ACSS3: variants seen among roughly 807,000 people sequenced by gnomAD.
The protein encoded by ACSS3 is acyl-CoA synthetase short chain family member 3.
In ACSS3, 64 loss-of-function variants were observed where a neutral mutation model predicts 84.2. The observed-to-expected ratio is 0.76, with a 90% CI of 0.62 to 0.94. The LOEUF (loss-of-function observed/expected upper bound fraction) is 0.94, where lower values mean the gene tolerates loss of function less well. Ranked by LOEUF, ACSS3 falls within the 40% of genes least tolerant of loss-of-function variation. The pLI is 0.00. For missense variants in ACSS3, 815 were observed against 867.6 expected, an observed-to-expected ratio of 0.94 and a Z score of 0.76; for synonymous variants, 317 against 310.1, an observed-to-expected ratio of 1.02 and a Z score of -0.23.
intron 5 of ACSS3, among the ~76,000 whole-genome samples, chr12:81,149,053 T>G (rs1159671034): frequency 6.6e-6 from 1 of 151,896 alleles, no homozygotes; most frequent in African/African-American, 2.4e-5. Context: ...CACTCCAGCC[T>G]GGGTGACAGA....
At chr12:81,211,228 C>A (rs2135927003) in intron 9 of ACSS3, among the ~76,000 whole-genome samples, 1 of 152,228 alleles carries the variant, frequency 6.6e-6, no homozygotes, top group South Asian at 2.1e-4. Flanking sequence ...AGTGCACCTG[C>A]CTTGGCCTCC....
At chr12:81,193,738 G>A (rs1233760891) in intron 8 of ACSS3, among the ~76,000 whole-genome samples, 3 of 151,758 alleles carry the variant, frequency 2.0e-5, no homozygotes, top group Non-Finnish European at 4.4e-5. Context: ...AGGCACATGT[G>A]ATTATTAAAC....
intron 7 of ACSS3, among the ~76,000 whole-genome samples, chr12:81,172,777 T>A (rs531008728): frequency 9.8e-5 from 15 of 152,358 alleles, no homozygotes; most frequent in African/African-American, 3.6e-4. Context: ...TAAAATACTG[T>A]GTCCTCCTTG....
At chr12:81,177,876 C>G (rs912645745) in intron 8 of ACSS3, among the ~76,000 whole-genome samples, 3 of 152,196 alleles carry the variant, frequency 2.0e-5, no homozygotes, top group Non-Finnish European at 4.4e-5. Context: ...GGACTGTAAA[C>G]TAGTTCAACC....
At chr12:81,201,890 G>T (rs2032127500) in intron 9 of ACSS3, among the ~76,000 whole-genome samples, 1 of 152,082 alleles carries the variant, frequency 6.6e-6, no homozygotes, top group Non-Finnish European at 1.5e-5. Context: ...TGCAGAGGTT[G>T]GCTAACAGGA....
intron 2 of ACSS3, among the ~76,000 whole-genome samples, chr12:81,110,086 G>C (rs2121512825): frequency 6.6e-6 from 1 of 152,130 alleles, no homozygotes; most frequent in East Asian, 1.9e-4. Context: ...CATATTAGAT[G>C]ATCACCAGGG....
intron 5 of ACSS3, among the ~76,000 whole-genome samples, chr12:81,149,412 A>G (rs534101943): frequency 1.3e-5 from 2 of 152,308 alleles, no homozygotes; most frequent in East Asian, 1.9e-4. Flanking sequence ...ATTAATATTT[A>G]TGCTAAAGAA....
chr12:81,244,691 A>G (rs1217541115), intron 13 of ACSS3, among the ~76,000 whole-genome samples: 1 of 152,146 alleles, frequency 6.6e-6, no homozygotes, highest in Non-Finnish European at 1.5e-5. Context: ...TTTTTGATAC[A>G]GTGATATTGC....
intron 2 of ACSS3, among the ~76,000 whole-genome samples, chr12:81,113,608 G>A (rs566950464): frequency 6.6e-6 from 1 of 152,210 alleles, no homozygotes; most frequent in South Asian, 2.1e-4. Context: ...GTTGTTGAAT[G>A]ATGAATGAGT....
At chr12:81,183,022 G>T (rs769879161) in intron 8 of ACSS3, among the ~76,000 whole-genome samples, 1 of 152,224 alleles carries the variant, frequency 6.6e-6, no homozygotes, top group African/African-American at 2.4e-5. Flanking sequence ...CTGGCAAAGG[G>T]TCCAGCTGCT....
chr12:81,114,776 T>C (rs1269644982), intron 2 of ACSS3, among the ~76,000 whole-genome samples: 1 of 152,124 alleles, frequency 6.6e-6, no homozygotes, highest in African/African-American at 2.4e-5. Flanking sequence ...CTTTTATTGA[T>C]ATATAATATA....
intron 1 of ACSS3, among the ~76,000 whole-genome samples, chr12:81,107,827 G>A (rs1465194861): frequency 6.6e-6 from 1 of 151,650 alleles, no homozygotes; most frequent in African/African-American, 2.4e-5. Flanking sequence ...CTGCTTCTTT[G>A]GGCTCTGTTC....
intron 1 of ACSS3, chr12:81,094,348 C>T (rs887974237): frequency 1.3e-5 from 2 of 152,114 alleles, no homozygotes; most frequent in African/African-American, 2.4e-5. Context: ...AAGATAATAA[C>T]TTAGAGGACA....
Position 81,109,698 on chromosome 12 carries a change from G to T in ACSS3, c.450G>T (p.Leu150=). ...CAACCTTTACCTATAAAGAAGTTCT[G>T]GAGCAGGTAATATCATAAACTTTAT... ...TKATFTYKEV[L]EQVSKLAGVL... Residue 150 remains leucine (L), a synonymous_variant, in exon 2 of 16, where the codon CTG becomes CTT. Coordinates refer to ENST00000548058, the MANE Select transcript of ACSS3 (RefSeq NM_024560.4). The T allele has an allele frequency of 6.3e-7, 1 of 1,593,286 alleles. No homozygotes were observed. The highest frequency in any genetic ancestry group is 1.4e-5 in the African/African-American group (1 of 74,034).
intron 1 of ACSS3, among the ~76,000 whole-genome samples, chr12:81,108,092 T>A (rs1397044530): frequency 6.6e-6 from 1 of 151,918 alleles, no homozygotes; most frequent in Non-Finnish European, 1.5e-5. Flanking sequence ...GAGGTAATAT[T>A]TTTGAACAAA....
chr12:81,197,665 A>G (rs1475608351), intron 8 of ACSS3, among the ~76,000 whole-genome samples: 1 of 152,078 alleles, frequency 6.6e-6, no homozygotes, highest in Admixed American at 6.6e-5. Context: ...TACCATAAAC[A>G]CTATCATCCT....
At chr12:81,128,074 T>C (rs541593269) in intron 2 of ACSS3, among the ~76,000 whole-genome samples, 1 of 152,150 alleles carries the variant, frequency 6.6e-6, no homozygotes, top group Non-Finnish European at 1.5e-5. Context: ...TGATGCATTA[T>C]ATGTTATATT....
At chr12:81,187,063 G>A (rs1013709868) in intron 8 of ACSS3, among the ~76,000 whole-genome samples, 1 of 151,852 alleles carries the variant, frequency 6.6e-6, no homozygotes, top group African/African-American at 2.4e-5. Context: ...CCACAACATA[G>A]ATGAAGCTGG....
Position 81,257,310 on chromosome 12 carries a change from C to T in ACSS3, c.*2388C>T, listed in dbSNP as rs905072050. The T allele has an allele frequency of 2.0e-5, 3 of 151,952 alleles. No individual in the cohort carries two copies. The highest frequency in any genetic ancestry group is 7.3e-5 in the African/African-American group (3 of 41,370). The allele number at this position is 151,952 out of a possible 1,614,324, so 9.4% of individuals were successfully genotyped here. On this transcript the variant is annotated 3_prime_UTR_variant, in exon 16 of 16. Coordinates refer to ENST00000548058, the MANE Select transcript of ACSS3 (RefSeq NM_024560.4). ...ACTTTTATGTGATGAAAAAATAGGGCAAGAAAGATATACCTGAATCATCAG... is the reference window on the plus strand; with the variant it reads ...ACTTTTATGTGATGAAAAAATAGGGTAAGAAAGATATACCTGAATCATCAG...
Sources: allele counts gnomAD v4.1 joint callset (sites outside exome capture counted in the v4.1 genomes callset), GRCh38; gene constraint gnomAD v4.1.1; transcripts MANE v1.5; gene names NCBI Gene and HGNC (gene_info 2026-07-23, HGNC 2026-07-21).